Variants in KCNQ2 observed in about 807,000 individuals in gnomAD.
KCNQ2 encodes potassium voltage-gated channel subfamily Q member 2, also known as potassium voltage-gated channel subfamily KQT member 2.
A neutral mutation model predicts 84.8 loss-of-function variants in KCNQ2; 14 were observed. The observed-to-expected ratio is 0.17, with a 90% CI of 0.11 to 0.26. KCNQ2 has a LOEUF of 0.26. Among genes scored for constraint, KCNQ2 ranks in the 10% least tolerant of loss-of-function variants. The pLI is 1.00. For missense variants in KCNQ2, 788 were observed against 1,254.0 expected (o/e 0.63, Z 5.61); for synonymous variants, 599 against 554.1 (o/e 1.08, Z -1.14).
chr20:63,424,690 CCA>C (rs1410568181), intron 10 of KCNQ2: 1 of 169,314 alleles, frequency 5.9e-6, no homozygotes, highest in African/African-American at 2.4e-5. Flanking sequence ...CTCCACTGCG[CCA>C]CAGTCAGTGA....
intron 8 of KCNQ2, 38 bp downstream of exon 8, chr20:63,433,771 G>GA: frequency 6.2e-7 from 1 of 1,613,670 alleles, no homozygotes; most frequent in East Asian, 2.2e-5. Flanking sequence ...AATAAAAAAT[G>GA]AAACAGTTGC....
rs767958917 is a variant in KCNQ2 at position 63,407,342 on chromosome 20, C to T, written c.1921G>A (p.Val641Met). The T allele has an allele frequency of 1.3e-6, 2 of 1,597,700 alleles. No individual in the cohort carries two copies. Among genetic ancestry groups the T allele is most frequent in the Non-Finnish European group, 1.7e-6 (2 of 1,179,394 alleles). The change falls in exon 17 of 17, where the codon GTG (valine) becomes ATG (methionine). Residue 641 changes from valine (V) to methionine (M), a missense_variant. By Grantham distance (21) the Val-to-Met change is conservative. Transcript: ENST00000359125. This position sits in a 1 kb window ranked among gnomAD's most constrained non-coding sequence, Gnocchi z 7.2. The stretch of plus-strand genomic sequence containing the variant: ...CCCATCCGCTGCATGTAGATATTCA[C>T]CAGGAAGTCCAGCTTCTTCTCCATG... ...LSMEKKLDFL[V>M]NIYMQRMGIP...
intron 14 of KCNQ2, 115 bp from the exon 15 acceptor site, chr20:63,413,696 CT>C: frequency 9.8e-6 from 11 of 1,121,350 alleles, no homozygotes; most frequent in Non-Finnish European, 1.4e-5. Flanking sequence ...GGACTTGCCC[CT>C]CTTGTCTGCC....
intron 12 of KCNQ2, 100 bp from the exon 13 acceptor site, chr20:63,415,226 C>T (rs951997771): frequency 3.1e-5 from 34 of 1,104,640 alleles, no homozygotes; most frequent in South Asian, 1.2e-4. Context: ...GCCGCCCATG[C>T]GCCGGAGGGA....
Position 63,432,819 on chromosome 20 carries a change from TCCACCCTCTGGGAAGGCC to T in KCNQ2, c.1118+972_1118+989del, listed in dbSNP as rs1555864520. On this transcript the variant is annotated intron_variant, in intron 8 of 16. Coordinates refer to ENST00000359125, the MANE Select transcript of KCNQ2 (RefSeq NM_172107.4). ...GGAAGGCCCCACCCTCAGGGAAGGC[TCCACCCTCTGGGAAGGCC>T]CCACCCCCAGGGAAGGATCCACCCT... Among the ~76,000 whole-genome samples, 573 of 66,366 alleles carry T rather than the reference TCCACCCTCTGGGAAGGCC, an allele frequency of 8.6e-3. 1 individual carries two copies. Among genetic ancestry groups the T allele is most frequent in the Non-Finnish European group, 0.015 (360 of 23,336 alleles). 43.5% of individuals were successfully genotyped at this position (66,366 alleles called of 152,430 possible).
intron 6 of KCNQ2, among the ~76,000 whole-genome samples, chr20:63,439,122 T>C (rs966553487): frequency 6.6e-6 from 1 of 152,102 alleles, no homozygotes; most frequent in African/African-American, 2.4e-5. Context: ...GGGCACACAG[T>C]GAAGGGGACA....
At chr20:63,419,578 C>CT in intron 12 of KCNQ2, 41 bp downstream of exon 12, 1 of 1,582,080 alleles carries the variant, frequency 6.3e-7, no homozygotes, top group Non-Finnish European at 8.6e-7. Context: ...GCAGAGGAGC[C>CT]GTGCAGCAGC....
At chr20:63,426,558 CCT>C (rs1015152852) in intron 10 of KCNQ2, among the ~76,000 whole-genome samples, 12 of 151,928 alleles carry the variant, frequency 7.9e-5, no homozygotes, top group Admixed American at 1.3e-4. Flanking sequence ...TCTGAATCTC[CCT>C]GTTTCCTCTC....
At position 63,408,442 on chromosome 20, in the gene KCNQ2, T is replaced by C; in HGVS notation, c.1858A>G (p.Met620Val). 6.2e-7 allele frequency: 1 copy of C among 1,609,366 alleles called. No individual in the cohort carries two copies. The highest frequency in any genetic ancestry group is 8.5e-7 in the Non-Finnish European group (1 of 1,179,102). ...EAELPEDPSM[M>V]GRLGKVEKQV... ...TTCTCCACCTTCCCGAGCCGTCCCA[T>C]CATGCTGGGGTCCTCGGGCAGCTCC... Residue 620 changes from methionine to valine, a missense_variant, in exon 16 of 17, where the codon ATG becomes GTG. Physicochemically the swap from Met to Val is conservative, Grantham distance 21. Coordinates refer to ENST00000359125, the MANE Select transcript of KCNQ2 (RefSeq NM_172107.4). This position sits in a 1 kb window ranked among gnomAD's most constrained non-coding sequence, Gnocchi z 5.0.
At chr20:63,434,639 G>C (rs937077015) in intron 7 of KCNQ2, 2 of 152,122 alleles carry the variant, frequency 1.3e-5, no homozygotes, top group African/African-American at 4.8e-5. Context: ...CACCGCCAGG[G>C]TGTACGGGGC....
chr20:63,455,582 G>A (rs1002639770), intron 1 of KCNQ2, among the ~76,000 whole-genome samples: 3 of 152,156 alleles, frequency 2.0e-5, no homozygotes, highest in African/African-American at 7.2e-5. Flanking sequence ...GTGCAAAGAG[G>A]AGAAGTTGGG....
At chr20:63,442,570 C>T (rs1280508531) in intron 4 of KCNQ2, 39 bp from the exon 5 acceptor site, 3 of 1,608,814 alleles carry the variant, frequency 1.9e-6, no homozygotes, top group Non-Finnish European at 1.7e-6. Flanking sequence ...ACCACCATCA[C>T]CAGAAGCATC....
intron 7 of KCNQ2, among the ~76,000 whole-genome samples, chr20:63,436,191 A>G (rs2080996821): frequency 6.6e-6 from 1 of 152,182 alleles, no homozygotes; most frequent in South Asian, 2.1e-4. Context: ...TCTTTCGTGA[A>G]AGGAAGAGTG....
intron 9 of KCNQ2, among the ~76,000 whole-genome samples, chr20:63,431,049 G>A (rs1414730390): frequency 6.6e-6 from 1 of 152,208 alleles, no homozygotes; most frequent in Non-Finnish European, 1.5e-5. Flanking sequence ...GACACAGGCG[G>A]GCTGGCAACA....
intron 9 of KCNQ2, among the ~76,000 whole-genome samples, chr20:63,429,252 C>A (rs1568907827): frequency 1.5e-5 from 2 of 131,186 alleles, no homozygotes; most frequent in Non-Finnish European, 3.3e-5. Context: ...GAAGAGACAC[C>A]CTCCTCTGGG....
At chr20:63,415,970 C>T (rs2080284575) in intron 12 of KCNQ2, among the ~76,000 whole-genome samples, 1 of 152,188 alleles carries the variant, frequency 6.6e-6, no homozygotes, top group South Asian at 2.1e-4. Context: ...TTCAGCCACA[C>T]TCCGGCCTTT....
intron 5 of KCNQ2, among the ~76,000 whole-genome samples, chr20:63,441,341 G>T (rs889937986): frequency 6.6e-6 from 1 of 151,850 alleles, no homozygotes; most frequent in African/African-American, 2.4e-5. Flanking sequence ...TGCTATTTAA[G>T]ACTAATCAGG....
At chr20:63,458,187 C>G (rs2081855168) in intron 1 of KCNQ2, among the ~76,000 whole-genome samples, 1 of 152,150 alleles carries the variant, frequency 6.6e-6, no homozygotes, top group Non-Finnish European at 1.5e-5. Context: ...CCACTCTCCA[C>G]TGCCCCATCC....
chr20:63,424,123 G>A, intron 11 of KCNQ2, 54 bp downstream of exon 11: 1 of 1,545,818 alleles, frequency 6.5e-7, no homozygotes, highest in Non-Finnish European at 8.8e-7. Context: ...GTGGGAGAGA[G>A]ACCAGACGGC....
Sources: gnomAD v4.1 joint callset for allele counts (sites outside exome capture counted in the v4.1 genomes callset) on GRCh38, gnomAD v4.1.1 for gene constraint, Gnocchi (gnomAD v3.1) non-coding constraint, MANE v1.5 for transcripts, NCBI Gene and HGNC (gene_info 2026-07-23, HGNC 2026-07-21) for gene names.